The following SBF2 variants were observed in gnomAD, a reference collection of about 807,000 sequenced individuals.
SBF2 encodes myotubularin-related protein 13.
In SBF2, 112 loss-of-function variants were observed where a neutral mutation model predicts 225.2. That is an observed-to-expected ratio of 0.50 (90% CI 0.43 to 0.58). The LOEUF (loss-of-function observed/expected upper bound fraction) is 0.58, where lower values mean the gene tolerates loss of function less well. SBF2 is among the 20% of genes least tolerant of loss of function. The pLI, the probability that SBF2 is intolerant of heterozygous loss-of-function variation, is 0.00. For missense variants in SBF2, 1,996 were observed against 2,206.2 expected (o/e 0.90, Z 1.91); for synonymous variants, 763 against 773.3 (o/e 0.99, Z 0.22).
intron 2 of SBF2, among the ~76,000 whole-genome samples, chr11:10,146,559 T>A (rs1402318548): frequency 6.6e-6 from 1 of 152,098 alleles, no homozygotes; most frequent in Non-Finnish European, 1.5e-5. Flanking sequence ...TTACATCACA[T>A]ACAAAAATTA....
chr11:9,839,556 A>T lies in SBF2; in HGVS notation c.3397T>A (p.Ser1133Thr), dbSNP rs772039454. The T allele has an allele frequency of 1.5e-5, 25 of 1,614,196 alleles. No individual in the cohort carries two copies. Among genetic ancestry groups the T allele is most frequent in the Non-Finnish European group, 2.1e-5 (25 of 1,180,032 alleles). The change falls in exon 26 of 40, where the codon TCA (serine) becomes ACA (threonine). Residue 1133 changes from serine to threonine, a missense_variant. Coordinates refer to ENST00000256190, the MANE Select transcript of SBF2 (RefSeq NM_030962.4). ...LGTISGSSSR[S>T]RPEYFRITAS... ...GTAATTCTAAAATACTCGGGTCTTG[A>T]ACGGGAAGAGCTGCCACTTATGGTT...
At chr11:10,155,940 G>T (rs1422795354) in intron 2 of SBF2, among the ~76,000 whole-genome samples, 1 of 152,226 alleles carries the variant, frequency 6.6e-6, no homozygotes, top group East Asian at 1.9e-4. Context: ...GGGACGTGTG[G>T]CTGGGGCTGT....
chr11:9,857,547 A>G (rs1484329968), intron 18 of SBF2, among the ~76,000 whole-genome samples: 7 of 152,202 alleles, frequency 4.6e-5, no homozygotes, highest in African/African-American at 1.7e-4. Context: ...CATACCATGT[A>G]CTCTTCAATG....
At chr11:10,201,370 T>C (rs564683099) in intron 1 of SBF2, among the ~76,000 whole-genome samples, 1 of 152,300 alleles carries the variant, frequency 6.6e-6, no homozygotes, top group African/African-American at 2.4e-5. Context: ...AAAATCAAAG[T>C]TCACCAGAAT....
chr11:10,080,462 G>T (rs1401372795), intron 2 of SBF2, among the ~76,000 whole-genome samples: 1 of 151,084 alleles, frequency 6.6e-6, no homozygotes, highest in Non-Finnish European at 1.5e-5. Context: ...AAACTCACAG[G>T]TCTTATAAAA....
At chr11:10,006,419 T>C (rs966190896) in intron 6 of SBF2, among the ~76,000 whole-genome samples, 4 of 152,268 alleles carry the variant, frequency 2.6e-5, no homozygotes, top group Non-Finnish European at 4.4e-5. Flanking sequence ...ATATGCTTTT[T>C]GTTCCTGTTA....
intron 7 of SBF2, among the ~76,000 whole-genome samples, chr11:10,001,822 G>A (rs977985417): frequency 9.2e-5 from 14 of 151,764 alleles, no homozygotes; most frequent in Non-Finnish European, 1.5e-4. Flanking sequence ...CACTGCGCCT[G>A]GCCAAAAAAA....
At chr11:9,928,318 T>C (rs747611886) in intron 16 of SBF2, among the ~76,000 whole-genome samples, 2 of 152,088 alleles carry the variant, frequency 1.3e-5, no homozygotes, top group African/African-American at 2.4e-5. Context: ...TCAACAAAGA[T>C]ATATAGATGG....
chr11:10,201,120 C>T (rs185922684), intron 1 of SBF2, among the ~76,000 whole-genome samples: 15 of 152,220 alleles, frequency 9.9e-5, no homozygotes, highest in South Asian at 4.2e-4. Flanking sequence ...CTAAAGCAAA[C>T]GCACAGCACT....
rs1302946759 is a variant in SBF2 at position 10,196,859 on chromosome 11, TATA to T, written c.56-2875_56-2873del. ...ATAAATATATATATATATATATATA[TATA>T]TATATTTTTTTTTTCCTACAAAATG... On this transcript the variant is annotated intron_variant, in intron 1 of 39. Transcript: ENST00000256190. Among the ~76,000 whole-genome samples the T allele has an allele frequency of 6.0e-3, 328 of 54,774 alleles. 10 individuals carry two copies. Among genetic ancestry groups the T allele is most frequent in the African/African-American group, 0.019 (269 of 14,390 alleles). The allele number at this position is 54,774 out of a possible 152,430, so 35.9% of individuals were successfully genotyped here. A position where few individuals can be genotyped will look rare whatever the true frequency, so the allele number is the denominator to read the frequency against.
chr11:10,101,701 A>C (rs897509661), intron 2 of SBF2, among the ~76,000 whole-genome samples: 1 of 149,208 alleles, frequency 6.7e-6, no homozygotes, highest in Non-Finnish European at 1.5e-5. Flanking sequence ...GTACATGGTA[A>C]ATGTCAATAT....
At chr11:9,941,621 A>G (rs1361934179) in intron 16 of SBF2, among the ~76,000 whole-genome samples, 1 of 152,246 alleles carries the variant, frequency 6.6e-6, no homozygotes, top group Admixed American at 6.5e-5. Context: ...GACACCTATT[A>G]TGACAAAAAC....
At chr11:10,265,387 T>C (rs574988770) in intron 1 of SBF2, among the ~76,000 whole-genome samples, 41 of 151,936 alleles carry the variant, frequency 2.7e-4, no homozygotes, top group African/African-American at 9.2e-4. Flanking sequence ...TGTCTTCTTT[T>C]GAGAAGTGTC....
Position 9,829,491 on chromosome 11 carries a change from T to C in SBF2, c.3658A>G (p.Thr1220Ala), listed in dbSNP as rs753811515. The change falls in exon 28 of 40, where the codon ACC becomes GCC. Residue 1220 changes from threonine (T) to alanine (A), a missense_variant. Physicochemically the swap from Thr to Ala is moderately conservative, Grantham distance 58. Transcript: ENST00000256190. ...KSQNSPQAAP[T>A]SSLESSSSIE... Reference sequence around the variant, plus strand: ...CTACTGGAAGATTCTAAAGAGGAGGTAGGAGCTATAAAAGGAAAATATATT... The same window carrying C: ...CTACTGGAAGATTCTAAAGAGGAGGCAGGAGCTATAAAAGGAAAATATATT... The C allele has an allele frequency of 1.3e-5, 21 of 1,609,966 alleles. No individual in the cohort carries two copies. The highest frequency in any genetic ancestry group is 1.7e-5 in the Admixed American group (1 of 60,016).
At chr11:10,026,996 T>C (rs995119752) in intron 6 of SBF2, among the ~76,000 whole-genome samples, 1 of 152,206 alleles carries the variant, frequency 6.6e-6, no homozygotes, top group African/African-American at 2.4e-5. Context: ...ATATTTACAG[T>C]GTACAACACG....
intron 2 of SBF2, among the ~76,000 whole-genome samples, chr11:10,060,821 G>A (rs964245570): frequency 2.0e-5 from 3 of 152,118 alleles, no homozygotes; most frequent in Admixed American, 6.5e-5. Flanking sequence ...GAGGTTAGGC[G>A]ATCGAGACCA....
At chr11:10,285,552 C>T (rs796896731) in intron 1 of SBF2, among the ~76,000 whole-genome samples, 11 of 152,272 alleles carry the variant, frequency 7.2e-5, no homozygotes, top group African/African-American at 2.6e-4. Context: ...AGGAAACATC[C>T]TCTTTATTTG....
At chr11:10,225,519 T>G (rs1958505863) in intron 1 of SBF2, among the ~76,000 whole-genome samples, 1 of 152,080 alleles carries the variant, frequency 6.6e-6, no homozygotes, top group South Asian at 2.1e-4. Flanking sequence ...GAGGTTGTAT[T>G]TGTGCTATTA....
At chr11:10,163,301 A>G (rs1333906071) in intron 2 of SBF2, among the ~76,000 whole-genome samples, 1 of 152,188 alleles carries the variant, frequency 6.6e-6, no homozygotes, top group East Asian at 1.9e-4. Context: ...ACAAGATTTA[A>G]TAATTAAAAT....
Sources: gnomAD v4.1 joint callset for allele counts (sites outside exome capture counted in the v4.1 genomes callset) on GRCh38, gnomAD v4.1.1 for gene constraint, MANE v1.5 for transcripts, NCBI Gene and HGNC (gene_info 2026-07-23, HGNC 2026-07-21) for gene names.